Variants in FOXP1 observed in about 807,000 individuals in gnomAD.
The protein encoded by FOXP1 is forkhead box protein P1.
FOXP1 carries 15 observed loss-of-function variants against 98.2 expected under a neutral mutation model. The observed-to-expected ratio is 0.15, with a 90% CI of 0.10 to 0.24. The LOEUF (loss-of-function observed/expected upper bound fraction) is 0.24. Ranked by LOEUF, FOXP1 falls within the 10% of genes least tolerant of loss-of-function variation. The pLI is 1.00. For missense variants in FOXP1, 633 were observed against 848.5 expected (o/e 0.75, Z 3.15); for synonymous variants, 371 against 314.5 (o/e 1.18, Z -1.90).
Position 71,359,715 on chromosome 3 carries a change from G to A in FOXP1, c.-167-471C>T, listed in dbSNP as rs565102275. Among the ~76,000 whole-genome samples the A allele has an allele frequency of 6.6e-5, 10 of 152,190 alleles. No individual in the cohort carries two copies. The East Asian group carries it at 1.9e-3, about 29-fold the overall frequency. ...CCCAAATAATTTTGGAATTGTAGTA[G>A]ACAAGCTAAATTTTAGTAGGCCGGC... is the stretch of plus-strand genomic sequence containing the variant. On this transcript the variant is annotated intron_variant, in intron 3 of 20. Coordinates refer to ENST00000649528, the MANE Select transcript of FOXP1 (RefSeq NM_001349338.3).
intron 2 of FOXP1, among the ~76,000 whole-genome samples, chr3:71,537,564 A>C (rs1251014932): frequency 1.3e-5 from 2 of 152,194 alleles, no homozygotes; most frequent in Non-Finnish European, 2.9e-5. Context: ...GATGGGTCAG[A>C]CAGAAAGACG....
chr3:71,091,432 G>C (rs1240377169), intron 7 of FOXP1, among the ~76,000 whole-genome samples: 2 of 152,212 alleles, frequency 1.3e-5, no homozygotes, highest in South Asian at 2.1e-4. Context: ...GGAGGTTGTA[G>C]TGAGCCGAGA....
At chr3:71,005,323 A>T (rs2042634387) in intron 12 of FOXP1, among the ~76,000 whole-genome samples, 1 of 143,830 alleles carries the variant, frequency 7.0e-6, no homozygotes, top group Non-Finnish European at 1.5e-5. Context: ...TTAAAAAAAA[A>T]AAAAAAAAAA....
At chr3:71,090,108 A>G (rs1021786298) in intron 7 of FOXP1, among the ~76,000 whole-genome samples, 4 of 152,208 alleles carry the variant, frequency 2.6e-5, no homozygotes, top group African/African-American at 7.2e-5. Flanking sequence ...GTGTGCATAA[A>G]CAAAACAGTA....
intron 5 of FOXP1, among the ~76,000 whole-genome samples, chr3:71,265,677 C>G (rs528539364): frequency 2.4e-4 from 36 of 152,280 alleles, no homozygotes; most frequent in African/African-American, 7.2e-4. Flanking sequence ...CTAGCTCTTG[C>G]CCTAGTAATG....
At chr3:71,122,208 A>T (rs370207218) in intron 6 of FOXP1, among the ~76,000 whole-genome samples, 11 of 152,322 alleles carry the variant, frequency 7.2e-5, no homozygotes, top group African/African-American at 2.6e-4. Context: ...GGATGCCCTA[A>T]GAGGCAATTA....
intron 12 of FOXP1, among the ~76,000 whole-genome samples, chr3:71,004,994 C>A (rs2042582634): frequency 6.6e-6 from 1 of 152,036 alleles, no homozygotes. Context: ...GTGGAGACAT[C>A]AGGAACGGTT....
intron 14 of FOXP1, among the ~76,000 whole-genome samples, chr3:70,987,511 A>G (rs1253459941): frequency 6.6e-6 from 1 of 152,220 alleles, no homozygotes; most frequent in Non-Finnish European, 1.5e-5. Context: ...GACTATTCCA[A>G]CACTAGGTTT....
chr3:71,054,627 G>A (rs1253586207), intron 7 of FOXP1, among the ~76,000 whole-genome samples: 1 of 152,152 alleles, frequency 6.6e-6, no homozygotes, highest in African/African-American at 2.4e-5. Flanking sequence ...TTTCTAGAAT[G>A]TAATTTAGCT....
intron 4 of FOXP1, among the ~76,000 whole-genome samples, chr3:71,316,084 C>A (rs959821550): frequency 6.6e-6 from 1 of 152,176 alleles, no homozygotes; most frequent in Non-Finnish European, 1.5e-5. Context: ...CTGGACCCAC[C>A]GGTATCTCAT....
chr3:71,090,480 G>A (rs1159312330), intron 7 of FOXP1, among the ~76,000 whole-genome samples: 2 of 152,188 alleles, frequency 1.3e-5, no homozygotes, highest in East Asian at 1.9e-4. Context: ...CAGTCCCCAG[G>A]AGAAGCAAGT....
intron 2 of FOXP1, among the ~76,000 whole-genome samples, chr3:71,505,061 C>T (rs1423797979): frequency 1.3e-5 from 2 of 152,208 alleles, no homozygotes; most frequent in African/African-American, 4.8e-5. Flanking sequence ...CTTTCTGAAA[C>T]CCAAGCCTCG....
At chr3:71,298,869 C>A (rs1182906272) in intron 5 of FOXP1, among the ~76,000 whole-genome samples, 1 of 152,174 alleles carries the variant, frequency 6.6e-6, no homozygotes, top group Non-Finnish European at 1.5e-5. Flanking sequence ...AAGTCTATAT[C>A]TGACAAATAC....
rs559512219 is a variant in FOXP1 at position 71,471,787 on chromosome 3, G to A, written c.-168+21639C>T. 4.1e-4 allele frequency among the ~76,000 whole-genome samples: 63 copies of A among 152,238 alleles called. 1 individual carries two copies. The highest frequency in any genetic ancestry group is 3.4e-3 in the Middle Eastern group (1 of 292). ...AATATCTTAAGAATCATATAATCCT[G>A]GAATACAGCGGCAGCTTTACCACGT... On this transcript the variant is annotated intron_variant, in intron 3 of 20. Coordinates refer to ENST00000649528, the MANE Select transcript of FOXP1 (RefSeq NM_001349338.3).
At chr3:71,062,511 T>C (rs2051669872) in intron 7 of FOXP1, among the ~76,000 whole-genome samples, 1 of 152,212 alleles carries the variant, frequency 6.6e-6, no homozygotes, top group South Asian at 2.1e-4. Flanking sequence ...GAGTGATACA[T>C]GTTGCAGAAA....
chr3:71,374,599 A>AAT, intron 3 of FOXP1, among the ~76,000 whole-genome samples: 1 of 141,104 alleles, frequency 7.1e-6, no homozygotes, highest in East Asian at 1.9e-4. Flanking sequence ...TGTCTCAAAA[A>AAT]AAAAAATAAA....
At chr3:71,001,399 G>A (rs1428260944) in intron 12 of FOXP1, among the ~76,000 whole-genome samples, 4 of 152,166 alleles carry the variant, frequency 2.6e-5, no homozygotes, top group South Asian at 2.1e-4. Flanking sequence ...TAGGTATTTC[G>A]GAAGAGTCTA....
At chr3:71,107,113 A>G (rs1355003250) in intron 7 of FOXP1, among the ~76,000 whole-genome samples, 1 of 152,210 alleles carries the variant, frequency 6.6e-6, no homozygotes, top group Non-Finnish European at 1.5e-5. Context: ...ACCAATCAAT[A>G]GCCATGGAGT....
chr3:71,091,842 G>A (rs1410160115), intron 7 of FOXP1, among the ~76,000 whole-genome samples: 1 of 152,156 alleles, frequency 6.6e-6, no homozygotes. Flanking sequence ...ATCAACATTT[G>A]GAAATAAGAA....
Sources: gnomAD v4.1 joint callset for allele counts (sites outside exome capture counted in the v4.1 genomes callset) on GRCh38, gnomAD v4.1.1 for gene constraint, MANE v1.5 for transcripts, NCBI Gene and HGNC (gene_info 2026-07-23, HGNC 2026-07-21) for gene names.